RAP1GAP2: variants seen among roughly 807,000 people sequenced by gnomAD.
The protein encoded by RAP1GAP2 is rap1 GTPase-activating protein 2.
RAP1GAP2 carries 27 observed loss-of-function variants against 95.0 expected under a neutral mutation model. The ratio of observed to expected loss-of-function variants is 0.28; its 90% CI spans 0.21 to 0.39. The LOEUF (loss-of-function observed/expected upper bound fraction) is 0.39, where lower values mean the gene tolerates loss of function less well. Ranked by LOEUF, RAP1GAP2 falls within the 10% of genes least tolerant of loss-of-function variation. RAP1GAP2 has a pLI of 1.00. For synonymous variants in RAP1GAP2, 373 were observed against 380.9 expected, an observed-to-expected ratio of 0.98 and a Z score of 0.24; for missense variants, 771 against 970.0, an observed-to-expected ratio of 0.79 and a Z score of 2.72.
chr17:2,924,859 CTCTT>C (rs1288585020), intron 3 of RAP1GAP2, among the ~76,000 whole-genome samples: 1 of 152,198 alleles, frequency 6.6e-6, no homozygotes, highest in Admixed American at 6.5e-5. Flanking sequence ...TGACCTGTGG[CTCTT>C]TCTAGAGCTC....
At chr17:2,953,804 G>A (rs1308524209) in intron 3 of RAP1GAP2, among the ~76,000 whole-genome samples, 1 of 152,092 alleles carries the variant, frequency 6.6e-6, no homozygotes, top group Non-Finnish European at 1.5e-5. Flanking sequence ...CTGACATCGC[G>A]CCATTGCACT....
At chr17:2,942,740 A>T (rs191023570) in intron 3 of RAP1GAP2, among the ~76,000 whole-genome samples, 3 of 152,194 alleles carry the variant, frequency 2.0e-5, no homozygotes, top group African/African-American at 7.2e-5. Context: ...GATGTCGTAC[A>T]ACCATCACGT....
intron 8 of RAP1GAP2, among the ~76,000 whole-genome samples, chr17:2,967,715 T>C (rs190352277): frequency 2.8e-3 from 424 of 152,198 alleles, no homozygotes; most frequent in Non-Finnish European, 5.0e-3. Flanking sequence ...ACATAAGAAA[T>C]TGGCTCCACG....
chr17:2,823,845 C>T (rs776087523), intron 2 of RAP1GAP2, among the ~76,000 whole-genome samples: 7 of 151,900 alleles, frequency 4.6e-5, no homozygotes, highest in Admixed American at 2.6e-4. Flanking sequence ...CACATGGGGC[C>T]GGGCACGGCG....
At chr17:2,930,887 G>A (rs1224721844) in intron 3 of RAP1GAP2, among the ~76,000 whole-genome samples, 1 of 152,220 alleles carries the variant, frequency 6.6e-6, no homozygotes, top group East Asian at 1.9e-4. Context: ...ACTTTGGGAG[G>A]CCGAGGCGGG....
chr17:2,951,057 T>G (rs966142549), intron 3 of RAP1GAP2, among the ~76,000 whole-genome samples: 1 of 152,228 alleles, frequency 6.6e-6, no homozygotes, highest in African/African-American at 2.4e-5. Flanking sequence ...GTGTTTCTGC[T>G]GCACCTAAAC....
intron 3 of RAP1GAP2, among the ~76,000 whole-genome samples, chr17:2,928,066 C>T (rs2043025296): frequency 5.0e-5 from 2 of 40,060 alleles, no homozygotes; most frequent in Admixed American, 5.6e-4. Flanking sequence ...CTTGCTGATC[C>T]CCCAGCAACT....
intron 8 of RAP1GAP2, among the ~76,000 whole-genome samples, chr17:2,977,790 C>G (rs2045192438): frequency 7.0e-6 from 1 of 143,664 alleles, no homozygotes; most frequent in South Asian, 2.3e-4. Context: ...AGCAACCCAG[C>G]AATTTTATAA....
At chr17:2,794,860 C>T (rs530433276), upstream of RAP1GAP2, among the ~76,000 whole-genome samples, 25 of 138,412 alleles carry the variant, frequency 1.8e-4, no homozygotes, top group South Asian at 4.6e-3. Context: ...CAGCTAGGGC[C>T]GTTTTTTTCC....
chr17:2,844,789 A>G (rs1480821292), intron 2 of RAP1GAP2, among the ~76,000 whole-genome samples: 4 of 152,176 alleles, frequency 2.6e-5, no homozygotes. Context: ...TACACCCACA[A>G]AGAGGGGCAT....
At chr17:2,993,233 AAG>A (rs1434037787) in intron 12 of RAP1GAP2, among the ~76,000 whole-genome samples, 1 of 150,684 alleles carries the variant, frequency 6.6e-6, no homozygotes, top group Non-Finnish European at 1.5e-5. Flanking sequence ...AAAAAAAAAA[AAG>A]GAGGTAAAGA....
chr17:2,915,082 G>A lies in RAP1GAP2; in HGVS notation c.165+9714G>A, dbSNP rs117227071. ...TGGGATTACAGACGTGAGCCACTGC[G>A]TCCGGCCTTCTTCTTTTTAGAAATA... On this transcript the variant is annotated intron_variant, in intron 3 of 24. Coordinates refer to ENST00000254695, the MANE Select transcript of RAP1GAP2 (RefSeq NM_015085.5). Among the ~76,000 whole-genome samples, 673 of 152,038 alleles carry A rather than the reference G, an allele frequency of 4.4e-3. 1 individual carries two copies. The highest frequency in any genetic ancestry group is 0.031 in the East Asian group (160 of 5,156).
chr17:2,771,998 CT>C (rs1205253427), intron 2 of RAP1GAP2, among the ~76,000 whole-genome samples: 1 of 151,470 alleles, frequency 6.6e-6, no homozygotes, highest in Non-Finnish European at 1.5e-5. Context: ...CAATAGTTCT[CT>C]TTTTTTTGAG....
intron 8 of RAP1GAP2, among the ~76,000 whole-genome samples, chr17:2,979,403 C>T (rs1010690559): frequency 2.6e-5 from 4 of 151,426 alleles, no homozygotes; most frequent in Admixed American, 2.6e-4. Flanking sequence ...AAAATAATGG[C>T]ATCCTTATTT....
intron 1 of RAP1GAP2, among the ~76,000 whole-genome samples, chr17:2,783,385 G>A (rs755843243): frequency 1.9e-4 from 29 of 152,172 alleles, no homozygotes; most frequent in Non-Finnish European, 3.1e-4. Flanking sequence ...GGACCTGTCT[G>A]TCTTGCTTAC....
chr17:2,858,086 C>T (rs1230372598), intron 2 of RAP1GAP2, among the ~76,000 whole-genome samples: 1 of 151,956 alleles, frequency 6.6e-6, no homozygotes, highest in Non-Finnish European at 1.5e-5. Context: ...GGCAACACAG[C>T]GAGACTCTGT....
chr17:2,948,665 C>A (rs1193641385), intron 3 of RAP1GAP2, among the ~76,000 whole-genome samples: 1 of 148,972 alleles, frequency 6.7e-6, no homozygotes, highest in African/African-American at 2.5e-5. Context: ...CAGGGGGAGG[C>A]AGGGAGGGCA....
chr17:2,991,057 C>T (rs2045735035), intron 11 of RAP1GAP2, among the ~76,000 whole-genome samples: 1 of 151,896 alleles, frequency 6.6e-6, no homozygotes. Flanking sequence ...GTTGGCCAGG[C>T]TGGTCTCGAA....
At chr17:2,777,621 C>G (rs2068533376) in intron 1 of RAP1GAP2, among the ~76,000 whole-genome samples, 1 of 152,178 alleles carries the variant, frequency 6.6e-6, no homozygotes, top group Non-Finnish European at 1.5e-5. Context: ...GTGTCTGGAC[C>G]TGGGAGCTGG....
Sources: gnomAD v4.1 joint callset for allele counts (sites outside exome capture counted in the v4.1 genomes callset) on GRCh38, gnomAD v4.1.1 for gene constraint, MANE v1.5 for transcripts, NCBI Gene and HGNC (gene_info 2026-07-23, HGNC 2026-07-21) for gene names.